SRPK2: variants seen among roughly 807,000 people sequenced by gnomAD.
SRPK2 encodes SFRS protein kinase 2.
SRPK2 carries 21 observed loss-of-function variants against 90.8 expected under a neutral mutation model. The ratio of observed to expected loss-of-function variants is 0.23; its 90% CI spans 0.16 to 0.33. SRPK2 has a LOEUF of 0.33. SRPK2 is among the 10% of genes least tolerant of loss of function. The pLI, the probability that SRPK2 is intolerant of heterozygous loss-of-function variation, is 1.00. For missense variants in SRPK2, 620 were observed against 869.0 expected (o/e 0.71, Z 3.60); for synonymous variants, 288 against 311.1 (o/e 0.93, Z 0.78).
In SRPK2 at chr7:105,185,278, A is replaced by G. The variant is rs898913085; in HGVS notation, c.230-16013T>C. On this transcript the variant is annotated intron_variant, in intron 3 of 15. Coordinates refer to ENST00000393651, the MANE Select transcript of SRPK2 (RefSeq NM_182692.3). ...AAAAAGAGAAAAAGAAATAAGATTT[A>G]TATCTAAAAGAAAAAATTCTTAGTA... 5.9e-5 allele frequency among the ~76,000 whole-genome samples: 9 copies of G among 152,038 alleles called. No individual in the cohort carries two copies. The East Asian group carries it at 1.3e-3, about 23-fold the overall frequency.
At chr7:105,334,601 G>C (rs1585758223) in intron 2 of SRPK2, among the ~76,000 whole-genome samples, 1 of 152,070 alleles carries the variant, frequency 6.6e-6, no homozygotes, top group East Asian at 1.9e-4. Context: ...ACTTTGGGAA[G>C]CTGAGGCAGG....
chr7:105,133,472 G>A (rs1802329434), intron 11 of SRPK2, among the ~76,000 whole-genome samples: 2 of 152,130 alleles, frequency 1.3e-5, no homozygotes, highest in African/African-American at 4.8e-5. Context: ...CCCAGATCGA[G>A]CTTGCTGATG....
At chr7:105,281,763 C>A (rs1807374628) in intron 2 of SRPK2, among the ~76,000 whole-genome samples, 1 of 151,196 alleles carries the variant, frequency 6.6e-6, no homozygotes, top group African/African-American at 2.4e-5. Flanking sequence ...CAAGGAAGTA[C>A]AAGGCTTGTA....
intron 2 of SRPK2, among the ~76,000 whole-genome samples, chr7:105,329,587 C>A (rs1262485038): frequency 6.7e-6 from 1 of 149,882 alleles, no homozygotes; most frequent in African/African-American, 2.5e-5. Flanking sequence ...GAGTGAGACT[C>A]CGTCTCAAAA....
At chr7:105,331,212 G>A (rs1323731716) in intron 2 of SRPK2, among the ~76,000 whole-genome samples, 1 of 146,522 alleles carries the variant, frequency 6.8e-6, no homozygotes, top group Non-Finnish European at 1.5e-5. Context: ...GGGAGGCTGA[G>A]GCAGGAGAAT....
upstream of SRPK2, chr7:105,389,025 C>G (rs1822025234): frequency 1.0e-6 from 1 of 956,942 alleles, no homozygotes. Context: ...GGGGTCGGGA[C>G]CCCAGCGCCG....
At chr7:105,185,544 G>A (rs1439873229) in intron 3 of SRPK2, among the ~76,000 whole-genome samples, 1 of 151,848 alleles carries the variant, frequency 6.6e-6, no homozygotes, top group Non-Finnish European at 1.5e-5. Flanking sequence ...ACGTTCTCTT[G>A]TCAAAAAATA....
intron 2 of SRPK2, among the ~76,000 whole-genome samples, chr7:105,357,923 C>T (rs977324109): frequency 6.6e-6 from 1 of 152,044 alleles, no homozygotes; most frequent in African/African-American, 2.4e-5. Flanking sequence ...CATCTCTGCA[C>T]AGTCAAAAAT....
At chr7:105,233,579 G>A (rs768685640) in intron 2 of SRPK2, among the ~76,000 whole-genome samples, 25 of 152,268 alleles carry the variant, frequency 1.6e-4, no homozygotes, top group Admixed American at 7.8e-4. Flanking sequence ...CGGGCTGGGC[G>A]CAGTGGCTCA....
chr7:105,339,106 T>C (rs180773759), intron 2 of SRPK2, among the ~76,000 whole-genome samples: 1 of 152,218 alleles, frequency 6.6e-6, no homozygotes, highest in South Asian at 2.1e-4. Flanking sequence ...AGGACAGATA[T>C]TCAAGTACGC....
At chr7:105,333,846 A>G (rs898456690) in intron 2 of SRPK2, among the ~76,000 whole-genome samples, 2 of 152,246 alleles carry the variant, frequency 1.3e-5, no homozygotes, top group Middle Eastern at 3.2e-3. Context: ...TTATACCATT[A>G]TAACATATAA....
intron 2 of SRPK2, among the ~76,000 whole-genome samples, chr7:105,357,058 C>T (rs866314586): frequency 1.4e-5 from 2 of 148,056 alleles, no homozygotes; most frequent in Admixed American, 1.4e-4. Context: ...TTTTTTGAGA[C>T]GGAGTCTCGC....
At chr7:105,294,615 C>T (rs913044339) in intron 2 of SRPK2, among the ~76,000 whole-genome samples, 4 of 152,234 alleles carry the variant, frequency 2.6e-5, no homozygotes, top group Non-Finnish European at 5.9e-5. Context: ...CAACCTCCGC[C>T]TCCCAGGTTC....
chr7:105,331,072 T>C (rs1008626980), intron 2 of SRPK2, among the ~76,000 whole-genome samples: 9 of 151,430 alleles, frequency 5.9e-5, no homozygotes, highest in Non-Finnish European at 1.0e-4. Context: ...GAGGCCGAGG[T>C]AGGTGGTTCA....
intron 2 of SRPK2, among the ~76,000 whole-genome samples, chr7:105,383,053 A>ATTT (rs1161926443): frequency 6.9e-5 from 7 of 101,672 alleles, no homozygotes; most frequent in Admixed American, 1.3e-4. Flanking sequence ...AAAAGTAAAA[A>ATTT]TTTTTTTTTT....
At position 105,160,573 on chromosome 7, in the gene SRPK2, G is replaced by C. The variant is rs777402062; in HGVS notation, c.555C>G (p.Leu185=). The change falls in exon 7 of 16, where the codon CTC becomes CTG. Residue 185 remains leucine, a synonymous_variant. Transcript: ENST00000393651. ...MVFEVLGHHL[L]KWIIKSNYQG... ...GATAGTTGGATTTGATGATCCACTTGAGGAGATGGTGGCCAAGTACTTCGA... is the reference window on the plus strand; with the variant it reads ...GATAGTTGGATTTGATGATCCACTTCAGGAGATGGTGGCCAAGTACTTCGA... The C allele has an allele frequency of 3.7e-6, 6 of 1,613,806 alleles. No individual in the cohort carries two copies. In the South Asian group the frequency reaches 6.6e-5, roughly 18 times the overall value.
chr7:105,385,620 G>C (rs564919015), intron 2 of SRPK2, among the ~76,000 whole-genome samples: 2 of 152,082 alleles, frequency 1.3e-5, no homozygotes, highest in Non-Finnish European at 2.9e-5. Flanking sequence ...TGGGTTTCTC[G>C]AATACTTCCA....
At chr7:105,155,250 G>T (rs961421046) in intron 7 of SRPK2, among the ~76,000 whole-genome samples, 1 of 152,184 alleles carries the variant, frequency 6.6e-6, no homozygotes, top group African/African-American at 2.4e-5. Flanking sequence ...CCAAAGTGCA[G>T]GGATTACAGG....
At chr7:105,195,552 A>G (rs1794814771) in intron 3 of SRPK2, among the ~76,000 whole-genome samples, 1 of 152,100 alleles carries the variant, frequency 6.6e-6, no homozygotes, top group Non-Finnish European at 1.5e-5. Flanking sequence ...TCTACCATCA[A>G]TTTTTAGTTT....
Sources: gnomAD v4.1 joint callset for allele counts (sites outside exome capture counted in the v4.1 genomes callset) on GRCh38, gnomAD v4.1.1 for gene constraint, MANE v1.5 for transcripts, NCBI Gene and HGNC (gene_info 2026-07-23, HGNC 2026-07-21) for gene names.